ARSB: variants seen among roughly 807,000 people sequenced by gnomAD.
The protein encoded by ARSB is N-acetylgalactosamine-4-sulfatase.
A neutral mutation model predicts 50.9 loss-of-function variants in ARSB; 41 were observed. The ratio of observed to expected loss-of-function variants is 0.81; its 90% CI spans 0.63 to 1.04. The LOEUF (loss-of-function observed/expected upper bound fraction) is 1.04. Among genes scored for constraint, ARSB ranks in the 50% least tolerant of loss-of-function variants. The pLI is 0.00. For synonymous variants in ARSB, 269 were observed against 284.8 expected (o/e 0.94, Z 0.56); for missense variants, 672 against 693.3 (o/e 0.97, Z 0.35).
chr5:78,787,722 A>T (rs750910334), intron 6 of ARSB, among the ~76,000 whole-genome samples: 3 of 152,208 alleles, frequency 2.0e-5, no homozygotes, highest in Non-Finnish European at 4.4e-5. Context: ...AGATGTTCAG[A>T]CGGGAAATAG....
chr5:78,933,851 G>T (rs1750461079), intron 4 of ARSB, among the ~76,000 whole-genome samples: 1 of 152,170 alleles, frequency 6.6e-6, no homozygotes, highest in South Asian at 2.1e-4. Flanking sequence ...GATTATCCTG[G>T]ATTATTGGAG....
intron 1 of ARSB, among the ~76,000 whole-genome samples, chr5:78,970,242 T>C (rs766448922): frequency 2.8e-4 from 42 of 151,854 alleles, no homozygotes; most frequent in South Asian, 4.1e-4. Flanking sequence ...AAAAATAATA[T>C]ATCATAACAG....
At chr5:78,899,106 C>T (rs1324397736) in intron 4 of ARSB, among the ~76,000 whole-genome samples, 3 of 152,138 alleles carry the variant, frequency 2.0e-5, no homozygotes, top group East Asian at 3.9e-4. Context: ...CTTTTTTTGT[C>T]TCTCTTTGAG....
intron 4 of ARSB, among the ~76,000 whole-genome samples, chr5:78,906,760 G>C (rs1318833762): frequency 6.6e-6 from 1 of 152,170 alleles, no homozygotes; most frequent in Non-Finnish European, 1.5e-5. Flanking sequence ...TTTAATCAAT[G>C]AGAAAGATAT....
At chr5:78,851,473 C>G (rs370618359) in intron 5 of ARSB, among the ~76,000 whole-genome samples, 1,761 of 152,204 alleles carry the variant, frequency 0.012, 18 homozygotes, top group South Asian at 0.033. Context: ...GAGTGCTTTA[C>G]TTCCAACTAT....
intron 4 of ARSB, among the ~76,000 whole-genome samples, chr5:78,915,871 T>C (rs530220005): frequency 1.4e-3 from 218 of 152,328 alleles, no homozygotes; most frequent in Non-Finnish European, 7.5e-4. Context: ...AGGTCACGTG[T>C]GGAACCTTCC....
At chr5:78,924,360 C>G (rs1375828775) in intron 4 of ARSB, among the ~76,000 whole-genome samples, 1 of 152,114 alleles carries the variant, frequency 6.6e-6, no homozygotes, top group African/African-American at 2.4e-5. Flanking sequence ...AATTACAGAG[C>G]CTCTATTCCG....
At chr5:78,880,071 A>G (rs2112188886) in intron 5 of ARSB, among the ~76,000 whole-genome samples, 1 of 152,266 alleles carries the variant, frequency 6.6e-6, no homozygotes, top group South Asian at 2.1e-4. Context: ...CGCAGTCACC[A>G]CTATGTACGG....
intron 5 of ARSB, among the ~76,000 whole-genome samples, chr5:78,850,068 A>G (rs1390294284): frequency 6.6e-6 from 1 of 151,706 alleles, no homozygotes; most frequent in Non-Finnish European, 1.5e-5. Context: ...TCTCCTGCCT[A>G]ATTGCCCTGG....
At chr5:78,823,446 T>C (rs1744314493) in intron 6 of ARSB, among the ~76,000 whole-genome samples, 1 of 152,202 alleles carries the variant, frequency 6.6e-6, no homozygotes, top group South Asian at 2.1e-4. Context: ...TGGGGACTTT[T>C]TGGGGTTTGC....
chr5:78,967,067 T>G (rs1254214211), intron 2 of ARSB, among the ~76,000 whole-genome samples: 1 of 152,170 alleles, frequency 6.6e-6, no homozygotes, highest in African/African-American at 2.4e-5. Context: ...TACAGAGCCA[T>G]GTGCTTCAGC....
In ARSB at chr5:78,839,389, T is replaced by A; in HGVS notation, c.1180A>T (p.Asn394Tyr). ...GAGTCCACGAAGTTCGGGTCAATAT[T>A]ATGCAGCAGCTCAATTCTGGGGGAT... The part of the protein sequence containing the change: ...SPSPRIELLH[N>Y]IDPNFVDSSP... The change falls in exon 6 of 8, where the codon AAT (asparagine) becomes TAT (tyrosine). Residue 394 changes from asparagine (N) to tyrosine (Y), a missense_variant. Coordinates refer to ENST00000264914, the MANE Select transcript of ARSB (RefSeq NM_000046.5). 1 of 1,613,926 alleles carries A rather than the reference T, an allele frequency of 6.2e-7. No homozygotes were observed. Among genetic ancestry groups the A allele is most frequent in the Non-Finnish European group, 8.5e-7 (1 of 1,179,862 alleles).
At chr5:78,871,416 T>C (rs1747167092) in intron 5 of ARSB, among the ~76,000 whole-genome samples, 1 of 151,228 alleles carries the variant, frequency 6.6e-6, no homozygotes, top group Non-Finnish European at 1.5e-5. Context: ...CTTCAAACTA[T>C]ACTACAAGGC....
intron 6 of ARSB, among the ~76,000 whole-genome samples, chr5:78,799,570 C>CA (rs1194173850): frequency 2.0e-5 from 3 of 152,184 alleles, no homozygotes; most frequent in African/African-American, 7.2e-5. Context: ...ATGTGTATGG[C>CA]AAAATCCTAC....
chr5:78,832,276 T>C (rs1296030462), intron 6 of ARSB, among the ~76,000 whole-genome samples: 1 of 152,042 alleles, frequency 6.6e-6, no homozygotes, highest in Non-Finnish European at 1.5e-5. Context: ...GGCATTGCAA[T>C]GGTGCTGAAT....
chr5:78,815,839 TA>T, intron 6 of ARSB: 1 of 1,345,656 alleles, frequency 7.4e-7, no homozygotes, highest in African/African-American at 1.5e-5. Context: ...TCTTCAAAGA[TA>T]TTTTGAAATA....
At chr5:78,936,773 ACAGTAATGCATT>A (rs1750625531) in intron 4 of ARSB, among the ~76,000 whole-genome samples, 1 of 152,212 alleles carries the variant, frequency 6.6e-6, no homozygotes, top group Non-Finnish European at 1.5e-5. Context: ...AGGAGTCCTA[ACAGTAATGCATT>A]CAATAATGTT....
intron 2 of ARSB, 142 bp downstream of exon 2, chr5:78,968,864 T>C: frequency 2.1e-6 from 2 of 952,480 alleles, no homozygotes; most frequent in Non-Finnish European, 3.3e-6. Context: ...GAGGTAACAT[T>C]AGAAAGCAGC....
intron 5 of ARSB, among the ~76,000 whole-genome samples, chr5:78,867,110 T>C (rs893149897): frequency 5.3e-5 from 8 of 152,062 alleles, no homozygotes; most frequent in African/African-American, 7.2e-5. Context: ...CTTTTCAGAC[T>C]GGCTTAAAAA....
Sources: gnomAD v4.1 joint callset for allele counts (sites outside exome capture counted in the v4.1 genomes callset) on GRCh38, gnomAD v4.1.1 for gene constraint, MANE v1.5 for transcripts, NCBI Gene and HGNC (gene_info 2026-07-23, HGNC 2026-07-21) for gene names.